FHIT: variants seen among roughly 807,000 people sequenced by gnomAD.
The protein encoded by FHIT is fragile histidine triad diadenosine triphosphatase.
A neutral mutation model predicts 17.9 loss-of-function variants in FHIT; 19 were observed. The ratio of observed to expected loss-of-function variants is 1.06; its 90% confidence interval spans 0.74 to 1.56. The LOEUF (loss-of-function observed/expected upper bound fraction) is 1.56. Among genes scored for constraint, FHIT ranks in the 40% most tolerant of loss-of-function variants. FHIT has a pLI of 0.00. For missense variants in FHIT, 248 were observed against 189.2 expected (o/e 1.31, Z -1.82); for synonymous variants, 81 against 69.7 (o/e 1.16, Z -0.81).
intron 4 of FHIT, chr3:60,732,007 A>T: frequency 2.5e-6 from 1 of 394,274 alleles, no homozygotes. Flanking sequence ...CTAGGGAACA[A>T]GGAAAACATG....
intron 4 of FHIT, among the ~76,000 whole-genome samples, chr3:60,543,487 C>T (rs2036252665): frequency 6.6e-6 from 1 of 152,096 alleles, no homozygotes; most frequent in Non-Finnish European, 1.5e-5. Context: ...CATTTATGCT[C>T]TTTAATACCA....
intron 5 of FHIT, among the ~76,000 whole-genome samples, chr3:60,323,215 G>A (rs1019546841): frequency 3.3e-5 from 5 of 152,116 alleles, no homozygotes; most frequent in African/African-American, 4.8e-5. Context: ...GGACACCACC[G>A]GGAATCACTG....
intron 5 of FHIT, among the ~76,000 whole-genome samples, chr3:60,073,387 G>C (rs1559606808): frequency 6.6e-6 from 1 of 152,014 alleles, no homozygotes; most frequent in Non-Finnish European, 1.5e-5. Flanking sequence ...AGAGAGAAAA[G>C]GATGACAGCT....
chr3:60,763,588 C>T (rs114589389), intron 4 of FHIT, among the ~76,000 whole-genome samples: 3,485 of 152,294 alleles, frequency 0.023, 121 homozygotes, highest in African/African-American at 0.078. Context: ...AGGATTCAAA[C>T]CCAGGTCTGA....
At chr3:60,563,820 G>A (rs979483233) in intron 4 of FHIT, among the ~76,000 whole-genome samples, 3 of 152,312 alleles carry the variant, frequency 2.0e-5, no homozygotes, top group East Asian at 3.9e-4. Context: ...TTCAAGGAAA[G>A]AAGCCATTTC....
chr3:60,083,340 C>T (rs1703366946), intron 5 of FHIT, among the ~76,000 whole-genome samples: 1 of 152,074 alleles, frequency 6.6e-6, no homozygotes, highest in South Asian at 2.1e-4. Flanking sequence ...CAGTACCATG[C>T]TGTTTTGGTT....
At chr3:59,813,234 G>C (rs1051069367) in intron 8 of FHIT, among the ~76,000 whole-genome samples, 1 of 152,032 alleles carries the variant, frequency 6.6e-6, no homozygotes, top group East Asian at 1.9e-4. Context: ...CATCTAATTT[G>C]TTGCCTGTTT....
chr3:59,893,439 T>C lies in FHIT; in HGVS notation c.348+28907A>G, dbSNP rs530924874. ...GATTGGTGCAGTAAACTAAACTGGATTTATATGCTCTAATATGGAAAAAAG... is the reference window on the plus strand; with the variant it reads ...GATTGGTGCAGTAAACTAAACTGGACTTATATGCTCTAATATGGAAAAAAG... On this transcript the variant is annotated intron_variant, in intron 8 of 9. Transcript: ENST00000492590. Among the ~76,000 whole-genome samples the C allele has an allele frequency of 3.9e-5, 6 of 152,292 alleles. No individual in the cohort carries two copies. In the South Asian group the frequency reaches 1.2e-3, roughly 32 times the overall value.
intron 2 of FHIT, 122 bp from the exon 3 acceptor site, chr3:61,042,221 G>A (rs1250357073): frequency 6.6e-6 from 1 of 152,186 alleles, no homozygotes; most frequent in East Asian, 1.9e-4. Flanking sequence ...TTTAGTTTAA[G>A]CCATTATTAC....
intron 4 of FHIT, among the ~76,000 whole-genome samples, chr3:60,620,588 A>G (rs1281297991): frequency 1.3e-5 from 2 of 151,998 alleles, no homozygotes; most frequent in Non-Finnish European, 2.9e-5. Flanking sequence ...TACATTGGAA[A>G]AAAAAAAAAA....
At chr3:61,157,433 G>A (rs1209249907) in intron 2 of FHIT, among the ~76,000 whole-genome samples, 1 of 152,094 alleles carries the variant, frequency 6.6e-6, no homozygotes, top group Non-Finnish European at 1.5e-5. Context: ...TCAGTGAAAG[G>A]CCACCAGGAA....
chr3:60,902,020 G>T (rs1054639683), intron 3 of FHIT, among the ~76,000 whole-genome samples: 3 of 151,994 alleles, frequency 2.0e-5, no homozygotes, highest in African/African-American at 7.3e-5. Flanking sequence ...GTTTATGGAG[G>T]TATAATTTAA....
chr3:60,105,594 C>T (rs1331632323), intron 5 of FHIT, among the ~76,000 whole-genome samples: 2 of 152,122 alleles, frequency 1.3e-5, no homozygotes, highest in African/African-American at 4.8e-5. Context: ...CACTACTCAG[C>T]TAATGGTACC....
At chr3:60,572,788 G>A (rs572883804) in intron 4 of FHIT, among the ~76,000 whole-genome samples, 1 of 152,280 alleles carries the variant, frequency 6.6e-6, no homozygotes, top group South Asian at 2.1e-4. Context: ...TAGCACAGGG[G>A]TTAATGTTGG....
intron 5 of FHIT, among the ~76,000 whole-genome samples, chr3:60,093,933 G>T (rs559889269): frequency 6.6e-6 from 1 of 152,090 alleles, no homozygotes; most frequent in Non-Finnish European, 1.5e-5. Context: ...AATCTGTTCA[G>T]GTCCAGCTAC....
At chr3:59,853,795 A>T (rs1252634178) in intron 8 of FHIT, among the ~76,000 whole-genome samples, 1 of 152,158 alleles carries the variant, frequency 6.6e-6, no homozygotes, top group Non-Finnish European at 1.5e-5. Context: ...AGACAGTTAA[A>T]ATTAGCTAGC....
intron 4 of FHIT, among the ~76,000 whole-genome samples, chr3:60,601,348 TTC>T (rs2038440349): frequency 6.6e-6 from 1 of 152,120 alleles, no homozygotes; most frequent in Admixed American, 6.6e-5. Flanking sequence ...TCTCCAGAGT[TTC>T]TGATTCAATG....
intron 3 of FHIT, among the ~76,000 whole-genome samples, chr3:61,013,743 T>A (rs991666779): frequency 6.6e-6 from 1 of 152,190 alleles, no homozygotes; most frequent in African/African-American, 2.4e-5. Flanking sequence ...TATCACTAAT[T>A]CACAATAGGA....
At chr3:59,839,193 C>T (rs991024357) in intron 8 of FHIT, among the ~76,000 whole-genome samples, 6 of 151,828 alleles carry the variant, frequency 4.0e-5, no homozygotes, top group Admixed American at 1.3e-4. Context: ...TGGTACATGC[C>T]TGTAATCCCA....
Sources: allele counts gnomAD v4.1 joint callset (sites outside exome capture counted in the v4.1 genomes callset), GRCh38; gene constraint gnomAD v4.1.1; transcripts MANE v1.5; gene names NCBI Gene and HGNC (gene_info 2026-07-23, HGNC 2026-07-21).